Variants in SS18L2 observed in about 807,000 individuals in gnomAD.
The protein encoded by SS18L2 is SS18-like protein 2.
A neutral mutation model predicts 10.3 loss-of-function variants in SS18L2; 8 were observed. That is an observed-to-expected ratio of 0.78 (90% CI 0.46 to 1.41). SS18L2 has a LOEUF of 1.41. Ranked by LOEUF, SS18L2 falls within the 40% of genes most tolerant of loss-of-function variation. SS18L2 has a pLI of 0.00. For synonymous variants in SS18L2, 41 were observed against 34.6 expected (o/e 1.19, Z -0.65); for missense variants, 100 against 96.2 (o/e 1.04, Z -0.17).
At chr3:42,590,127 TAAG>T (rs1704767997), upstream of SS18L2, among the ~76,000 whole-genome samples, 1 of 152,194 alleles carries the variant, frequency 6.6e-6, no homozygotes, top group Non-Finnish European at 1.5e-5. Context: ...CTGCCCCAAA[TAAG>T]TCCAGGCTAT....
Position 42,591,002 on chromosome 3 carries a change from G to T in SS18L2, c.69+36G>T, listed in dbSNP as rs572581220. The stretch of plus-strand genomic sequence containing the variant: ...ACGCGGGCGGGCGGGCGGGCGGAGA[G>T]AAGTCGGGATCCCGAGGGGCTGCGG... On this transcript the variant is annotated intron_variant, in intron 1 of 2. Transcript: ENST00000011691. The T allele has an allele frequency of 2.2e-5, 34 of 1,555,980 alleles. No individual in the cohort carries two copies. In the African/African-American group the frequency reaches 3.8e-4, roughly 17 times the overall value.
Position 42,595,502 on chromosome 3 carries a change from A to G in SS18L2, c.*993A>G, listed in dbSNP as rs909264224. Among the ~76,000 whole-genome samples, 3 of 152,234 alleles carry G rather than the reference A, an allele frequency of 2.0e-5. No homozygotes were observed. The highest frequency in any genetic ancestry group is 1.9e-4 in the East Asian group (1 of 5,198). On this transcript the variant is annotated 3_prime_UTR_variant, in exon 3 of 3. Coordinates refer to ENST00000011691, the MANE Select transcript of SS18L2 (RefSeq NM_001370300.1). ...TGATAAGTACTTGCTTTTGCATCAC[A>G]TAAGGAGTGACCTGACTTTTAAGTT...
chr3:42,590,680 C>T (rs1704790066), upstream of SS18L2: 2 of 611,412 alleles, frequency 3.3e-6, no homozygotes, highest in East Asian at 2.8e-5. Flanking sequence ...TTTCGCTCTC[C>T]AGACTGCGCA....
At chr3:42,593,246 C>T (rs558549646) in intron 2 of SS18L2, among the ~76,000 whole-genome samples, 12 of 152,172 alleles carry the variant, frequency 7.9e-5, no homozygotes, top group South Asian at 6.2e-4. Context: ...AACCCCATCT[C>T]TACTAAAAAC....
chr3:42,590,882 C>T lies in SS18L2; in HGVS notation c.-16C>T. On this transcript the variant is annotated 5_prime_UTR_variant, in exon 1 of 3. Coordinates refer to ENST00000011691, the MANE Select transcript of SS18L2 (RefSeq NM_001370300.1). ...GTCGAGTTGCTTGGCGGTCGTGGTT[C>T]CGGAGGTTCCTCGGGATGTCGGTGG... 2 of 1,584,838 alleles carry T rather than the reference C, an allele frequency of 1.3e-6. No individual in the cohort carries two copies. The highest frequency in any genetic ancestry group is 1.7e-6 in the Non-Finnish European group (2 of 1,161,446).
intron 2 of SS18L2, among the ~76,000 whole-genome samples, chr3:42,594,170 T>A (rs1704957916): frequency 1.3e-5 from 2 of 152,240 alleles, no homozygotes; most frequent in South Asian, 4.1e-4. Flanking sequence ...TGCGCAAAGA[T>A]AGATCTGGGA....
chr3:42,594,611 A>G lies in SS18L2; in HGVS notation c.*102A>G, dbSNP rs1704973494. 1.5e-5 allele frequency: 14 copies of G among 959,574 alleles called. No homozygotes were observed. Among genetic ancestry groups the G allele is most frequent in the Non-Finnish European group, 2.3e-5 (14 of 620,198 alleles). The allele number at this position is 959,574 out of a possible 1,614,324, so 59.4% of individuals were successfully genotyped here. ...TGGAGACAGGGTCTTTACCAACTCA[A>G]CTGGTTAAAACATGAATGAAACCTC... On this transcript the variant is annotated 3_prime_UTR_variant, in exon 3 of 3. Transcript: ENST00000011691.
chr3:42,586,645 G>T (rs1030580945), upstream of SS18L2, among the ~76,000 whole-genome samples: 1 of 149,866 alleles, frequency 6.7e-6, no homozygotes, highest in East Asian at 2.0e-4. Flanking sequence ...TATATCTCTA[G>T]TCTCTTTCTC....
In SS18L2 at chr3:42,590,881, T is replaced by G. The variant is rs1258651187; in HGVS notation, c.-17T>G. ...GGTCGAGTTGCTTGGCGGTCGTGGT[T>G]CCGGAGGTTCCTCGGGATGTCGGTG... On this transcript the variant is annotated 5_prime_UTR_variant, in exon 1 of 3. Coordinates refer to ENST00000011691, the MANE Select transcript of SS18L2 (RefSeq NM_001370300.1). The G allele has an allele frequency of 1.2e-6, 2 of 1,602,006 alleles. No individual in the cohort carries two copies. The highest frequency in any genetic ancestry group is 3.4e-5 in the Admixed American group (2 of 59,542).
In SS18L2 at chr3:42,591,425, C is replaced by G; in HGVS notation, c.70-100C>G. ...GGCCAGGCTAGTCTCGAACTCCTGA[C>G]CTCGTGATCCGCCTAGATCGGCCTC... On this transcript the variant is annotated intron_variant, in intron 1 of 2. Transcript: ENST00000011691. The G allele has an allele frequency of 3.5e-6, 3 of 846,790 alleles. No individual in the cohort carries two copies. The South Asian group carries it at 4.1e-5, about 12-fold the overall frequency. The allele number at this position is 846,790 out of a possible 1,614,324, so 52.5% of individuals were successfully genotyped here.
At position 42,596,432 on chromosome 3, in the gene SS18L2, T is replaced by G. The variant is rs937622937; in HGVS notation, c.*1923T>G. 3.9e-5 allele frequency among the ~76,000 whole-genome samples: 6 copies of G among 152,244 alleles called. No homozygotes were observed. The highest frequency in any genetic ancestry group is 1.2e-4 in the African/African-American group (5 of 41,466). ...TCTAATTGCTGGCATAATCACACTC[T>G]AAAAGGCTGAACCCCAGAATCATTA... is the stretch of plus-strand genomic sequence containing the variant. On this transcript the variant is annotated 3_prime_UTR_variant, in exon 3 of 3. Transcript: ENST00000011691.
intron 1 of SS18L2, chr3:42,591,247 T>C: frequency 1.8e-6 from 1 of 551,032 alleles, no homozygotes; most frequent in Non-Finnish European, 3.2e-6. Flanking sequence ...TCGCCCAGGC[T>C]GGAGTGCAGT....
intron 1 of SS18L2, 175 bp downstream of exon 1, chr3:42,591,141 C>A: frequency 1.5e-6 from 1 of 687,872 alleles, no homozygotes; most frequent in Non-Finnish European, 2.5e-6. Flanking sequence ...GGGGCAGGAC[C>A]CCGGCATGGG....
In SS18L2 at chr3:42,593,526, A is replaced by G. The variant is rs528806855; in HGVS notation, c.147-896A>G. Reference sequence around the variant, plus strand: ...TGAGCTCGAGCATCCTCAGATTTTGATATCTAAGGGGAGGAGGGAGGTGTC... The same window carrying G: ...TGAGCTCGAGCATCCTCAGATTTTGGTATCTAAGGGGAGGAGGGAGGTGTC... On this transcript the variant is annotated intron_variant, in intron 2 of 2. Transcript: ENST00000011691. 4.6e-5 allele frequency among the ~76,000 whole-genome samples: 7 copies of G among 152,158 alleles called. No homozygotes were observed. The East Asian group carries it at 1.4e-3, about 29-fold the overall frequency.
rs368242581 is a variant in SS18L2, at chr3:42,581,927, C to G, written c.-121C>G. 3.2e-4 allele frequency: 48 copies of G among 152,340 alleles called. 1 individual carries two copies. The highest frequency in any genetic ancestry group is 1.1e-3 in the African/African-American group (45 of 41,490). 9.4% of individuals were successfully genotyped at this position (152,340 alleles called of 1,614,324 possible). ...CAGCAATCTTAGCCGACCGGGAGGG[C>G]TCGGCCCAGGTCACCGGCAGCCCAG... On this transcript the variant is annotated 5_prime_UTR_variant, in exon 1 of 4. Coordinates refer to the SS18L2 transcript ENST00000447630.
chr3:42,591,201 C>CTTTTTTTT lies in SS18L2; in HGVS notation c.69+244_69+251dup, dbSNP rs71616053. The CTTTTTTTT allele has an allele frequency of 5.1e-3, 2,476 of 487,138 alleles. 7 individuals are homozygous for CTTTTTTTT. Among genetic ancestry groups the CTTTTTTTT allele is most frequent in the South Asian group, 0.013 (525 of 40,026 alleles). The allele number at this position is 487,138 out of a possible 1,614,324, so 30.2% of individuals were successfully genotyped here. On this transcript the variant is annotated intron_variant, in intron 1 of 2. Transcript: ENST00000011691. ...TCACACTGCACTAACCCTTTCTCTC[C>CTTTTTTTT]TTTTTTTTTTTTTTTTGAGACGGAG...
In SS18L2 at chr3:42,591,579, G is replaced by A. The variant is rs764332869; in HGVS notation, c.124G>A (p.Gly42Ser). 2 of 1,613,954 alleles carry A rather than the reference G, an allele frequency of 1.2e-6. No homozygotes were observed. Among genetic ancestry groups the A allele is most frequent in the South Asian group, 2.2e-5 (2 of 91,082 alleles). The change falls in exon 2 of 3, where the codon GGC becomes AGC. Residue 42 changes from glycine (G) to serine (S), a missense_variant. By Grantham distance (56) the Gly-to-Ser change is moderately conservative. Transcript: ENST00000011691. ...CTGTATTGTGGAGTATCAGAACAAG[G>A]GCCGCGGGAACGAGTGCGTGCAGTA... The part of the protein sequence containing the change: ...IRCIVEYQNK[G>S]RGNECVQYQH...
intron 2 of SS18L2, 30 bp downstream of exon 2, chr3:42,591,631 C>G (rs1203262757): frequency 2.0e-6 from 3 of 1,519,004 alleles, no homozygotes; most frequent in Non-Finnish European, 2.7e-6. Flanking sequence ...CGCCCCTGAC[C>G]TGTGGGTAGA....
At chr3:42,590,997 G>C in intron 1 of SS18L2, 31 bp downstream of exon 1, 2 of 1,546,250 alleles carry the variant, frequency 1.3e-6, no homozygotes, top group Non-Finnish European at 1.7e-6. Context: ...GCGGGCGGGC[G>C]GAGAGAAGTC....
Sources: gnomAD v4.1 joint callset for allele counts (sites outside exome capture counted in the v4.1 genomes callset) on GRCh38, gnomAD v4.1.1 for gene constraint, MANE v1.5 for transcripts, NCBI Gene and HGNC (gene_info 2026-07-23, HGNC 2026-07-21) for gene names.